BARD1: variants seen among roughly 807,000 people sequenced by gnomAD.
BARD1 encodes BRCA1 associated RING domain 1.
In BARD1, 73 loss-of-function variants were observed where a neutral mutation model predicts 77.0. The ratio of observed to expected loss-of-function variants is 0.95; its 90% CI spans 0.79 to 1.15. The LOEUF is 1.15. Ranked by LOEUF, BARD1 falls within the 50% of genes most tolerant of loss-of-function variation. The pLI, the probability that BARD1 is intolerant of heterozygous loss-of-function variation, is 0.00. For synonymous variants in BARD1, 384 were observed against 338.0 expected, an observed-to-expected ratio of 1.14 and a Z score of -1.49; for missense variants, 993 against 938.8, an observed-to-expected ratio of 1.06 and a Z score of -0.75.
At chr2:214,762,939 C>A (rs1045989047) in intron 6 of BARD1, among the ~76,000 whole-genome samples, 13 of 147,084 alleles carry the variant, frequency 8.8e-5, no homozygotes, top group African/African-American at 3.3e-4. Flanking sequence ...CACTCCTTTC[C>A]TGGATTACTG....
intron 5 of BARD1, among the ~76,000 whole-genome samples, chr2:214,768,714 T>G (rs1304215037): frequency 6.6e-6 from 1 of 152,246 alleles, no homozygotes; most frequent in African/African-American, 2.4e-5. Context: ...TTCCAGATTA[T>G]GCTTCACACT....
chr2:214,771,943 A>AAAAAAAAG (rs59814038), intron 4 of BARD1, among the ~76,000 whole-genome samples: 3,399 of 142,854 alleles, frequency 0.024, 63 homozygotes, highest in Non-Finnish European at 0.035. Flanking sequence ...AAAAAAAAAA[A>AAAAAAAAG]GCAACATTTT....
Position 214,780,457 on chromosome 2 carries a change from G to C in BARD1, c.1314+103C>G, listed in dbSNP as rs1042167863. 1.7e-5 allele frequency: 16 copies of C among 929,026 alleles called. No homozygotes were observed. The African/African-American group carries it at 2.4e-4, about 14-fold the overall frequency. 57.5% of individuals were successfully genotyped at this position (929,026 alleles called of 1,614,324 possible). ...CAGAGGAAGTATCATGTCTGTGAAA[G>C]GTTAATTATCCTAGTAATCCTATGC... is the stretch of plus-strand genomic sequence containing the variant. On this transcript the variant is annotated intron_variant, in intron 4 of 10. Coordinates refer to ENST00000260947, the MANE Select transcript of BARD1 (RefSeq NM_000465.4).
At chr2:214,740,513 A>T (rs930754456) in intron 9 of BARD1, among the ~76,000 whole-genome samples, 2 of 151,976 alleles carry the variant, frequency 1.3e-5, no homozygotes, top group Non-Finnish European at 2.9e-5. Context: ...CTCTTTGATT[A>T]TTTTTTTACC....
At position 214,730,405 on chromosome 2, in the gene BARD1, A is replaced by G. The variant is rs775009517; in HGVS notation, c.2001+6T>C. The G allele has an allele frequency of 5.0e-6, 8 of 1,611,228 alleles. 1 individual carries two copies. In the South Asian group the frequency reaches 8.8e-5, roughly 18 times the overall value. On this transcript the variant is annotated splice_donor_region_variant and intron_variant, in intron 10 of 10. Coordinates refer to ENST00000260947, the MANE Select transcript of BARD1 (RefSeq NM_000465.4). ...AACAATGAAAGTTGTATTAAAAGAA[A>G]AATACCAGCTGTTCTCTGTTGAGCC...
chr2:214,753,234 T>C (rs1693541336), intron 6 of BARD1, among the ~76,000 whole-genome samples: 1 of 152,124 alleles, frequency 6.6e-6, no homozygotes, highest in Non-Finnish European at 1.5e-5. Flanking sequence ...TTCCAATGGC[T>C]TAACTAAGGT....
chr2:214,770,889 G>A (rs1235150059), intron 4 of BARD1, among the ~76,000 whole-genome samples: 1 of 152,038 alleles, frequency 6.6e-6, no homozygotes, highest in Non-Finnish European at 1.5e-5. Flanking sequence ...TAATACCAGG[G>A]TCTCTTAAAT....
chr2:214,800,503 A>AT (rs777939294), intron 1 of BARD1, among the ~76,000 whole-genome samples: 17 of 152,196 alleles, frequency 1.1e-4, no homozygotes, highest in Non-Finnish European at 2.4e-4. Context: ...GTGCCTGTGA[A>AT]TAGCCACTGC....
intron 3 of BARD1, among the ~76,000 whole-genome samples, chr2:214,791,430 G>A (rs187170215): frequency 3.1e-4 from 47 of 152,276 alleles, no homozygotes; most frequent in South Asian, 2.1e-3. Context: ...ATGGCATCCT[G>A]CCAGTCAAGA....
intron 3 of BARD1, among the ~76,000 whole-genome samples, chr2:214,788,680 A>G (rs547983990): frequency 2.6e-5 from 4 of 152,232 alleles, no homozygotes; most frequent in Admixed American, 1.3e-4. Context: ...ACCATTTAAC[A>G]GAATCATACA....
rs536345234 is a variant in BARD1, at chr2:214,792,150, T to TA, written c.364+146dup. The TA allele has an allele frequency of 0.14, 77,261 of 564,796 alleles. 107 individuals are homozygous for TA. Among genetic ancestry groups the TA allele is most frequent in the South Asian group, 0.17 (5,898 of 34,928 alleles). The allele number at this position is 564,796 out of a possible 1,614,324, so 35.0% of individuals were successfully genotyped here. A position where few individuals can be genotyped will look rare whatever the true frequency, so the allele number is the denominator to read the frequency against. ...AACATAGAGAGACTCAATGGCTATT[T>TA]AAAAAAAAAAAAAAAAAACCTACAG... On this transcript the variant is annotated intron_variant, in intron 3 of 10. Transcript: ENST00000260947.
At chr2:214,743,313 A>C (rs939251080) in intron 9 of BARD1, among the ~76,000 whole-genome samples, 3 of 152,260 alleles carry the variant, frequency 2.0e-5, no homozygotes, top group African/African-American at 7.2e-5. Context: ...ATTCTACCAT[A>C]AAACCTTCAA....
intron 1 of BARD1, among the ~76,000 whole-genome samples, chr2:214,807,822 G>T (rs6435862): frequency 0.75 from 113,608 of 152,178 alleles, 42,464 homozygotes; most frequent in East Asian, 0.85. Flanking sequence ...AGTGAAGCCC[G>T]ATGCTTCCAC....
intron 7 of BARD1, among the ~76,000 whole-genome samples, chr2:214,751,726 C>T (rs1693463547): frequency 6.6e-6 from 1 of 152,124 alleles, no homozygotes; most frequent in African/African-American, 2.4e-5. Context: ...ATCAAATTGG[C>T]ACATAGAACT....
chr2:214,795,677 A>C (rs1254115765), intron 2 of BARD1, among the ~76,000 whole-genome samples: 1 of 152,178 alleles, frequency 6.6e-6, no homozygotes, highest in African/African-American at 2.4e-5. Context: ...AAAAGGTGGA[A>C]AAATTCAAGA....
chr2:214,806,738 G>A (rs930999184), intron 1 of BARD1, among the ~76,000 whole-genome samples: 7 of 152,024 alleles, frequency 4.6e-5, no homozygotes, highest in African/African-American at 1.2e-4. Context: ...GCCGGGCATG[G>A]TGGCATGCAC....
chr2:214,808,416 G>T (rs990353162), intron 1 of BARD1, among the ~76,000 whole-genome samples: 1 of 152,150 alleles, frequency 6.6e-6, no homozygotes, highest in Non-Finnish European at 1.5e-5. Context: ...CTCAAAAAAG[G>T]AAAGAAAAGA....
rs866261211 is a variant in BARD1 at position 214,767,596 on chromosome 2, G to A, written c.1454C>T (p.Ala485Val). The A allele has an allele frequency of 6.2e-7, 1 of 1,614,046 alleles. No individual in the cohort carries two copies. The highest frequency in any genetic ancestry group is 8.5e-7 in the Non-Finnish European group (1 of 1,179,950). The change falls in exon 6 of 11, where the codon GCA becomes GTA. Residue 485 changes from alanine (A) to valine (V), a missense_variant. Transcript: ENST00000260947. ...KVVELLLQHK[A>V]LVNTTGYQND... is the part of the protein sequence containing the mutation. ...TTGATACCCGGTGGTGTTCACCAAT[G>A]CCTTATGCTGGAGCAATAATTCCAC...
intron 8 of BARD1, 124 bp downstream of exon 8, chr2:214,745,598 G>T (rs1693065669): frequency 2.5e-6 from 3 of 1,210,352 alleles, no homozygotes; most frequent in East Asian, 4.7e-5. Flanking sequence ...TGTATTACAA[G>T]ATGCAAAGTA....
Sources: allele counts gnomAD v4.1 joint callset (sites outside exome capture counted in the v4.1 genomes callset), GRCh38; gene constraint gnomAD v4.1.1; transcripts MANE v1.5; gene names NCBI Gene and HGNC (gene_info 2026-07-23, HGNC 2026-07-21).